ACOXL: variants seen among roughly 807,000 people sequenced by gnomAD.
ACOXL encodes acyl-CoA oxidase like.
ACOXL carries 70 observed loss-of-function variants against 71.9 expected under a neutral mutation model. The observed-to-expected ratio is 0.97, with a 90% CI of 0.80 to 1.19. ACOXL has a LOEUF of 1.19. Ranked by LOEUF, ACOXL falls within the 50% of genes most tolerant of loss-of-function variation. ACOXL has a pLI of 0.00. For synonymous variants in ACOXL, 253 were observed against 281.6 expected (o/e 0.90, Z 1.02); for missense variants, 703 against 736.3 (o/e 0.95, Z 0.52).
chr2:111,029,264 T>A (rs1424488806), intron 14 of ACOXL, among the ~76,000 whole-genome samples: 3 of 152,220 alleles, frequency 2.0e-5, no homozygotes, highest in Non-Finnish European at 4.4e-5. Context: ...GAACCTCGTA[T>A]TAAGGTTTTT....
intron 12 of ACOXL, among the ~76,000 whole-genome samples, chr2:110,946,552 C>G (rs1017126470): frequency 1.5e-4 from 23 of 152,246 alleles, no homozygotes; most frequent in African/African-American, 5.5e-4. Context: ...AACTCATGCT[C>G]CAAACCATTT....
intron 13 of ACOXL, among the ~76,000 whole-genome samples, chr2:110,990,619 G>A (rs1472131742): frequency 6.6e-6 from 1 of 152,174 alleles, no homozygotes; most frequent in Admixed American, 6.5e-5. Flanking sequence ...ACAGGGTCTT[G>A]TGCTGTCTTT....
intron 13 of ACOXL, among the ~76,000 whole-genome samples, chr2:110,995,498 T>TAAAAA (rs1157308860): frequency 7.1e-4 from 2 of 2,806 alleles, no homozygotes; most frequent in Non-Finnish European, 1.4e-3. Flanking sequence ...AGACTCTGTC[T>TAAAAA]CAAAAAAAAA....
rs534369134 is a variant in ACOXL, at chr2:111,063,514, GA to G, written c.1440+14235del. On this transcript the variant is annotated intron_variant, in intron 16 of 17. Transcript: ENST00000439055. ...ATTCTTCATATTAACAGGAAAAAGA[GA>G]AAAAAAAATCACATTATCATTCCAA... Among the ~76,000 whole-genome samples the G allele has an allele frequency of 6.2e-4, 94 of 150,664 alleles. 2 individuals carry two copies. The highest frequency in any genetic ancestry group is 1.1e-3 in the South Asian group (5 of 4,752).
chr2:110,945,103 G>A (rs917996067), intron 12 of ACOXL, among the ~76,000 whole-genome samples: 3 of 152,200 alleles, frequency 2.0e-5, no homozygotes, highest in African/African-American at 7.2e-5. Flanking sequence ...GATTAGTGAT[G>A]TTGAGCATTT....
rs535193091 is a variant in ACOXL, at chr2:110,978,778, G to T, written c.1060-8330G>T. 2.6e-5 allele frequency among the ~76,000 whole-genome samples: 4 copies of T among 151,538 alleles called. No individual in the cohort carries two copies. In the South Asian group the frequency reaches 6.3e-4, roughly 24 times the overall value. ...GAGAATTGTTTTTCTTTCAGAAAGGGTTTGCACGATGCTCAAGTTGTAACA... is the reference window on the plus strand; with the variant it reads ...GAGAATTGTTTTTCTTTCAGAAAGGTTTTGCACGATGCTCAAGTTGTAACA... On this transcript the variant is annotated intron_variant, in intron 12 of 17. Transcript: ENST00000439055.
intron 12 of ACOXL, among the ~76,000 whole-genome samples, chr2:110,965,335 A>G (rs2061878817): frequency 6.6e-6 from 1 of 152,158 alleles, no homozygotes; most frequent in Admixed American, 6.5e-5. Flanking sequence ...CCTTTGGATA[A>G]ATACCCACTA....
At chr2:110,918,649 A>G (rs1574117824) in intron 11 of ACOXL, among the ~76,000 whole-genome samples, 2 of 152,202 alleles carry the variant, frequency 1.3e-5, no homozygotes, top group Admixed American at 6.6e-5. Flanking sequence ...TTTGCATTCT[A>G]TCCATCTGAC....
At chr2:111,066,555 C>T (rs2067084296) in intron 16 of ACOXL, among the ~76,000 whole-genome samples, 1 of 152,012 alleles carries the variant, frequency 6.6e-6, no homozygotes, top group Non-Finnish European at 1.5e-5. Flanking sequence ...AAAAGATACC[C>T]AACATATCTC....
chr2:110,882,155 A>C (rs1696738725), intron 10 of ACOXL, among the ~76,000 whole-genome samples: 2 of 152,182 alleles, frequency 1.3e-5, no homozygotes, highest in Admixed American at 1.3e-4. Context: ...TTTCAATTTG[A>C]GTGATTCCAA....
At chr2:110,816,569 C>T (rs1425361980) in intron 9 of ACOXL, among the ~76,000 whole-genome samples, 3 of 152,172 alleles carry the variant, frequency 2.0e-5, no homozygotes, top group Non-Finnish European at 4.4e-5. Context: ...GCAGTGCTTA[C>T]TTGCTCCTTG....
chr2:110,747,823 G>A (rs72830979), intron 1 of ACOXL, among the ~76,000 whole-genome samples: 7,976 of 152,130 alleles, frequency 0.052, 322 homozygotes, highest in African/African-American at 0.11. Flanking sequence ...ATGTGGTCCT[G>A]TTTCTCCCTT....
intron 12 of ACOXL, among the ~76,000 whole-genome samples, chr2:110,957,121 C>G (rs1187494308): frequency 1.3e-5 from 2 of 149,976 alleles, no homozygotes; most frequent in Non-Finnish European, 3.0e-5. Context: ...ATCTTACTCA[C>G]TTTTTTTTTT....
chr2:110,959,112 T>C (rs2061606428), intron 12 of ACOXL, among the ~76,000 whole-genome samples: 1 of 152,232 alleles, frequency 6.6e-6, no homozygotes, highest in African/African-American at 2.4e-5. Context: ...GAATCTTGCT[T>C]GGCTGAGTGT....
chr2:111,014,433 C>T (rs2064329966), intron 14 of ACOXL, among the ~76,000 whole-genome samples: 1 of 152,162 alleles, frequency 6.6e-6, no homozygotes. Flanking sequence ...CATGCAATAT[C>T]TGTACACTAA....
chr2:110,800,021 T>C (rs1251240724), intron 7 of ACOXL, among the ~76,000 whole-genome samples: 1 of 152,156 alleles, frequency 6.6e-6, no homozygotes, highest in East Asian at 1.9e-4. Context: ...GGCACTCTGA[T>C]AGGACAGAAA....
intron 10 of ACOXL, among the ~76,000 whole-genome samples, chr2:110,854,060 A>G (rs1255296134): frequency 6.6e-6 from 1 of 151,970 alleles, no homozygotes; most frequent in East Asian, 1.9e-4. Flanking sequence ...ATCACAACCT[A>G]AGGGTGATAA....
chr2:110,889,231 T>A (rs748571045), intron 10 of ACOXL, among the ~76,000 whole-genome samples: 3 of 152,226 alleles, frequency 2.0e-5, no homozygotes, highest in South Asian at 4.1e-4. Context: ...ACACCTATGA[T>A]GAGATGCAGG....
At chr2:110,769,870 A>C (rs766112297) in intron 2 of ACOXL, among the ~76,000 whole-genome samples, 11 of 151,416 alleles carry the variant, frequency 7.3e-5, no homozygotes, top group Non-Finnish European at 1.6e-4. Context: ...AACCCCAAAA[A>C]CCCCAAAACA....
Sources: gnomAD v4.1 joint callset for allele counts (sites outside exome capture counted in the v4.1 genomes callset) on GRCh38, gnomAD v4.1.1 for gene constraint, MANE v1.5 for transcripts, NCBI Gene and HGNC (gene_info 2026-07-23, HGNC 2026-07-21) for gene names.